The following PTPRT variants were observed in gnomAD, a reference collection of about 807,000 sequenced individuals.
PTPRT encodes receptor-type tyrosine-protein phosphatase T.
In PTPRT, 56 loss-of-function variants were observed where a neutral mutation model predicts 176.8. The ratio of observed to expected loss-of-function variants is 0.32; its 90% confidence interval spans 0.26 to 0.40. The LOEUF (loss-of-function observed/expected upper bound fraction) is 0.40, where lower values mean the gene tolerates loss of function less well. Among genes scored for constraint, PTPRT ranks in the 10% least tolerant of loss-of-function variants. PTPRT has a pLI of 1.00. For missense variants in PTPRT, 1,540 were observed against 1,908.2 expected (o/e 0.81, Z 3.60); for synonymous variants, 783 against 739.0 (o/e 1.06, Z -0.96).
chr20:42,495,447 T>G (rs1341583976), intron 7 of PTPRT, among the ~76,000 whole-genome samples: 1 of 152,130 alleles, frequency 6.6e-6, no homozygotes, highest in African/African-American at 2.4e-5. Flanking sequence ...CTTTCTCTCT[T>G]TATTTGGCAT....
chr20:43,137,823 T>C (rs2013881852), intron 1 of PTPRT, among the ~76,000 whole-genome samples: 1 of 152,018 alleles, frequency 6.6e-6, no homozygotes, highest in Non-Finnish European at 1.5e-5. Context: ...GAGTTCCAAG[T>C]GTGACATGGC....
chr20:42,248,871 C>A (rs778410974), intron 13 of PTPRT, 49 bp from the exon 14 acceptor site: 8 of 1,597,668 alleles, frequency 5.0e-6, no homozygotes, highest in East Asian at 2.2e-5. Flanking sequence ...CCCAAACATG[C>A]GACTAGACAA....
Position 42,106,866 on chromosome 20 carries a change from C to G in PTPRT, c.3310G>C (p.Ala1104Pro). ...FIAIDTMLDMAENEGVVDIFN... is the reference protein window; with the variant it reads ...FIAIDTMLDMPENEGVVDIFN... ...ATGTCCACCACCCCTTCATTCTCGG[C>G]CATGTCAAGCATGGTGTCAATGGCA... The change falls in exon 24 of 31, where the codon GCC becomes CCC. Residue 1104 changes from alanine to proline, a missense_variant. This residue lies in a region of PTPRT where 248 missense variants were observed against 356.7 expected (regional missense o/e 0.70). Transcript: ENST00000373187. The G allele has an allele frequency of 6.2e-7, 1 of 1,614,160 alleles. No homozygotes were observed. The highest frequency in any genetic ancestry group is 8.5e-7 in the Non-Finnish European group (1 of 1,180,024).
intron 2 of PTPRT, among the ~76,000 whole-genome samples, chr20:42,859,102 G>A (rs2078614904): frequency 6.6e-6 from 1 of 152,114 alleles, no homozygotes; most frequent in African/African-American, 2.4e-5. Context: ...AGTGGCTGGG[G>A]GTGGGGAAGA....
intron 1 of PTPRT, among the ~76,000 whole-genome samples, chr20:43,112,430 T>C (rs886173211): frequency 1.3e-5 from 2 of 152,142 alleles, no homozygotes; most frequent in Non-Finnish European, 2.9e-5. Context: ...AAACCAGAGG[T>C]TGTTCATTTC....
chr20:42,764,209 A>G (rs530469023), intron 5 of PTPRT, among the ~76,000 whole-genome samples: 2 of 152,290 alleles, frequency 1.3e-5, no homozygotes, highest in East Asian at 3.9e-4. Context: ...GGCTATAGCA[A>G]TGAGGAAAGC....
In PTPRT at chr20:42,215,622, C is replaced by T. The variant is rs575607791; in HGVS notation, c.2343-16234G>A. ...TTGCTCTATCCATATCCTGCTCATACGACCCGAAACCAAACCAGCCAGTGG... is the reference window on the plus strand; with the variant it reads ...TTGCTCTATCCATATCCTGCTCATATGACCCGAAACCAAACCAGCCAGTGG... On this transcript the variant is annotated intron_variant, in intron 15 of 30. Transcript: ENST00000373187. 8.7e-5 allele frequency among the ~76,000 whole-genome samples: 8 copies of T among 92,286 alleles called. No homozygotes were observed. The South Asian group carries it at 2.4e-3, about 27-fold the overall frequency. 60.5% of individuals were successfully genotyped at this position (92,286 alleles called of 152,430 possible).
intron 11 of PTPRT, among the ~76,000 whole-genome samples, chr20:42,335,050 C>A (rs2058021207): frequency 1.3e-5 from 2 of 152,086 alleles, no homozygotes; most frequent in African/African-American, 4.8e-5. Context: ...AGGAGAGGTA[C>A]CACATGTGAT....
chr20:42,893,854 A>T (rs1003919009), intron 1 of PTPRT, among the ~76,000 whole-genome samples: 13 of 150,336 alleles, frequency 8.6e-5, no homozygotes, highest in African/African-American at 2.7e-4. Context: ...CACTCTGGGG[A>T]CTGTTGTGGG....
At chr20:42,164,704 G>A (rs191461012) in intron 16 of PTPRT, among the ~76,000 whole-genome samples, 9 of 152,260 alleles carry the variant, frequency 5.9e-5, no homozygotes, top group African/African-American at 1.9e-4. Context: ...TACAAGTAAT[G>A]CTACGTTTTT....
At chr20:43,042,722 A>ATCTCTCCTCCCACCCGCCC (rs1986664496) in intron 1 of PTPRT, among the ~76,000 whole-genome samples, 1 of 15,822 alleles carries the variant, frequency 6.3e-5, no homozygotes, top group Non-Finnish European at 1.5e-4. Flanking sequence ...CCCACCCGCC[A>ATCTCTCCTCCCACCCGCCC]TCTCTCCTCC....
chr20:42,979,953 C>G (rs185534304), intron 1 of PTPRT, among the ~76,000 whole-genome samples: 1 of 108,106 alleles, frequency 9.3e-6, no homozygotes, highest in South Asian at 3.4e-4. Context: ...TTCCAGAAGC[C>G]GGAGAGCATG....
chr20:42,392,418 T>C (rs938834331), intron 9 of PTPRT, among the ~76,000 whole-genome samples: 6 of 151,114 alleles, frequency 4.0e-5, no homozygotes, highest in Admixed American at 3.3e-4. Flanking sequence ...TACTAATCTT[T>C]CTTTTGGTAT....
chr20:42,530,487 CAGTT>C (rs2145538661), intron 7 of PTPRT, among the ~76,000 whole-genome samples: 1 of 152,280 alleles, frequency 6.6e-6, no homozygotes, highest in South Asian at 2.1e-4. Context: ...GAATCTAAAA[CAGTT>C]AGCTTAGCCT....
chr20:43,189,807 C>T lies in PTPRT; in HGVS notation c.-74G>A. 1.2e-6 allele frequency: 1 copy of T among 819,200 alleles called. No homozygotes were observed. Among genetic ancestry groups the T allele is most frequent in the Non-Finnish European group, 1.5e-6 (1 of 672,674 alleles). 50.7% of individuals were successfully genotyped at this position (819,200 alleles called of 1,614,324 possible). A position where few individuals can be genotyped will look rare whatever the true frequency, so the allele number is the denominator to read the frequency against. ...GGACTGGGGCGGGCGCGGGGTGGCCCCGCATCGCCGGCGCGGCCGCTGGCT... is the reference window on the plus strand; with the variant it reads ...GGACTGGGGCGGGCGCGGGGTGGCCTCGCATCGCCGGCGCGGCCGCTGGCT... On this transcript the variant is annotated 5_prime_UTR_variant, in exon 1 of 31. Coordinates refer to ENST00000373187, the MANE Select transcript of PTPRT (RefSeq NM_007050.6). This position sits in a 1 kb window ranked among gnomAD's most constrained non-coding sequence, Gnocchi z 5.0.
At chr20:42,717,042 G>C (rs901510995) in intron 6 of PTPRT, among the ~76,000 whole-genome samples, 4 of 151,568 alleles carry the variant, frequency 2.6e-5, no homozygotes, top group Admixed American at 1.3e-4. Flanking sequence ...GTTGTGGGGT[G>C]GGGGGAGGCG....
intron 22 of PTPRT, among the ~76,000 whole-genome samples, chr20:42,113,594 C>T (rs1483959776): frequency 2.0e-5 from 3 of 152,218 alleles, no homozygotes; most frequent in Non-Finnish European, 4.4e-5. Context: ...GGGGACAACT[C>T]ACTCTGTGGC....
chr20:42,281,507 T>C (rs1883474239), intron 13 of PTPRT, among the ~76,000 whole-genome samples: 1 of 152,162 alleles, frequency 6.6e-6, no homozygotes, highest in Admixed American at 6.5e-5. Flanking sequence ...TTTTTTTCTC[T>C]CTTTTTCTCC....
intron 6 of PTPRT, among the ~76,000 whole-genome samples, chr20:42,708,032 G>C (rs1016359363): frequency 6.6e-6 from 1 of 152,128 alleles, no homozygotes; most frequent in Admixed American, 6.5e-5. Context: ...CCTTAAAATT[G>C]TATGCAATTA....
Sources: allele counts gnomAD v4.1 joint callset (sites outside exome capture counted in the v4.1 genomes callset), GRCh38; gene constraint gnomAD v4.1.1; regional missense constraint gnomAD v4.1.1; non-coding constraint Gnocchi (gnomAD v3.1); transcripts MANE v1.5; gene names NCBI Gene and HGNC (gene_info 2026-07-23, HGNC 2026-07-21).